Variants in CLVS1 observed in about 807,000 individuals in gnomAD.
The protein encoded by CLVS1 is clavesin 1, also known as clavesin-1.
CLVS1 carries 10 observed loss-of-function variants against 33.1 expected under a neutral mutation model. The observed-to-expected ratio is 0.30, with a 90% CI of 0.19 to 0.51. CLVS1 has a LOEUF of 0.51. Ranked by LOEUF, CLVS1 falls within the 20% of genes least tolerant of loss-of-function variation. The probability of loss-of-function intolerance (pLI) is 0.97; values close to 1 mark genes in which losing one functional copy is unlikely to be tolerated. For missense variants in CLVS1, 343 were observed against 433.4 expected, an observed-to-expected ratio of 0.79 and a Z score of 1.85; for synonymous variants, 163 against 166.1, an observed-to-expected ratio of 0.98 and a Z score of 0.14.
chr8:61,277,442 G>A (rs1008718927), intron 2 of CLVS1, among the ~76,000 whole-genome samples: 4 of 152,232 alleles, frequency 2.6e-5, no homozygotes, highest in East Asian at 1.9e-4. Flanking sequence ...TATGACGTCC[G>A]CACACAGATC....
intron 5 of CLVS1, among the ~76,000 whole-genome samples, chr8:61,484,675 G>C (rs1478482244): frequency 6.6e-6 from 1 of 152,102 alleles, no homozygotes; most frequent in Non-Finnish European, 1.5e-5. Context: ...GAGGCATCAC[G>C]CTACCTGACT....
rs899904919 is a variant in CLVS1, at chr8:61,343,814, C to A, written c.456-32791C>A. 2.6e-5 allele frequency among the ~76,000 whole-genome samples: 4 copies of A among 152,080 alleles called. No homozygotes were observed. In the East Asian group the frequency reaches 5.8e-4, roughly 22 times the overall value. On this transcript the variant is annotated intron_variant, in intron 2 of 5. Transcript: ENST00000325897. ...TGATATGTTTGAGGAAATATCAATA[C>A]CCCGATAACATCCTAAAAAGAAAAT...
At chr8:61,056,926 G>C (rs1040473735), upstream of CLVS1, among the ~76,000 whole-genome samples, 1 of 152,124 alleles carries the variant, frequency 6.6e-6, no homozygotes, top group Non-Finnish European at 1.5e-5. Context: ...AAGGTAAAGC[G>C]CCAGGGCCTT....
chr8:60,977,922 C>A, the CLVS1 span, among the ~76,000 whole-genome samples: 1 of 152,118 alleles, frequency 6.6e-6, no homozygotes, highest in South Asian at 2.1e-4. Context: ...AAGAGAAAAG[C>A]AACTTGTTCT....
chr8:61,237,447 A>G (rs535468729), intron 2 of CLVS1, among the ~76,000 whole-genome samples: 4 of 152,296 alleles, frequency 2.6e-5, no homozygotes, highest in African/African-American at 9.6e-5. Flanking sequence ...GACTGGAAAA[A>G]GAGGAAAAAT....
chr8:61,014,552 C>A, the CLVS1 span, among the ~76,000 whole-genome samples: 8 of 152,206 alleles, frequency 5.3e-5, no homozygotes, highest in African/African-American at 1.9e-4. Context: ...CAACAACATG[C>A]ACTTTGAAAT....
chr8:61,235,414 G>A (rs10504324), intron 2 of CLVS1, among the ~76,000 whole-genome samples: 12,899 of 152,206 alleles, frequency 0.085, 1,048 homozygotes, highest in African/African-American at 0.22. Flanking sequence ...CTAGTACTGT[G>A]CTATTATCAA....
chr8:61,102,961 T>C (rs2129286770), intron 1 of CLVS1, among the ~76,000 whole-genome samples: 1 of 152,344 alleles, frequency 6.6e-6, no homozygotes, highest in Middle Eastern at 3.4e-3. Context: ...TTAGTTTTTA[T>C]GGGTGATCTT....
intron 1 of CLVS1, among the ~76,000 whole-genome samples, chr8:61,062,562 T>C (rs753958888): frequency 2.0e-5 from 3 of 152,214 alleles, no homozygotes; most frequent in Admixed American, 6.5e-5. Context: ...CCTGTTTTCA[T>C]TGAGGGCTTG....
intron 2 of CLVS1, among the ~76,000 whole-genome samples, chr8:61,362,118 G>A (rs569004410): frequency 1.3e-5 from 2 of 152,324 alleles, no homozygotes; most frequent in African/African-American, 4.8e-5. Flanking sequence ...GAGAACACGG[G>A]CCAAGCATGA....
intron 2 of CLVS1, among the ~76,000 whole-genome samples, chr8:61,198,547 T>A (rs1298027355): frequency 6.6e-6 from 1 of 152,156 alleles, no homozygotes; most frequent in Non-Finnish European, 1.5e-5. Context: ...GCCTGTCTAA[T>A]TTTTGTATTT....
intron 2 of CLVS1, among the ~76,000 whole-genome samples, chr8:61,146,483 G>T (rs969213969): frequency 1.3e-5 from 2 of 152,126 alleles, no homozygotes; most frequent in Non-Finnish European, 2.9e-5. Flanking sequence ...CTGTGCCCAG[G>T]CCCATGGAAG....
At chr8:61,476,347 G>A (rs1817931111) in intron 5 of CLVS1, among the ~76,000 whole-genome samples, 1 of 152,202 alleles carries the variant, frequency 6.6e-6, no homozygotes, top group Non-Finnish European at 1.5e-5. Flanking sequence ...GTCATTGGTA[G>A]CTTGATGGGG....
chr8:61,295,254 T>C (rs1810153364), intron 1 of CLVS1, among the ~76,000 whole-genome samples: 1 of 152,222 alleles, frequency 6.6e-6, no homozygotes, highest in Non-Finnish European at 1.5e-5. Context: ...ACTGGCCTGT[T>C]TGATCATCAA....
rs1254254412 is a variant in CLVS1 at position 61,499,946 on chromosome 8, C to CAG, written c.*407_*408dup. 1 of 174,760 alleles carries CAG rather than the reference C, an allele frequency of 5.7e-6. No individual in the cohort carries two copies. The highest frequency in any genetic ancestry group is 1.2e-5 in the Non-Finnish European group (1 of 80,052). The allele number at this position is 174,760 out of a possible 1,614,324, so 10.8% of individuals were successfully genotyped here. A position where few individuals can be genotyped will look rare whatever the true frequency, so the allele number is the denominator to read the frequency against. On this transcript the variant is annotated 3_prime_UTR_variant, in exon 6 of 6. Coordinates refer to ENST00000325897, the MANE Select transcript of CLVS1 (RefSeq NM_173519.3). The stretch of plus-strand genomic sequence containing the variant: ...TAAGTGCATTTCCAAGTAAATGTAT[C>CAG]AGAGTTAAACTGTACAGACACCACT...
intron 2 of CLVS1, among the ~76,000 whole-genome samples, chr8:61,282,246 G>A (rs1395695902): frequency 1.3e-5 from 2 of 152,258 alleles, no homozygotes; most frequent in African/African-American, 4.8e-5. Context: ...AATGGGGAAA[G>A]TTGCAGAGCG....
intron 3 of CLVS1, among the ~76,000 whole-genome samples, chr8:61,453,178 G>A (rs6471951): frequency 0.83 from 125,975 of 151,774 alleles, 52,469 homozygotes; most frequent in Middle Eastern, 0.86. Context: ...TTCATACAGC[G>A]TTTAGAGATT....
At chr8:61,072,542 A>T (rs1178434371) in intron 1 of CLVS1, among the ~76,000 whole-genome samples, 1 of 152,246 alleles carries the variant, frequency 6.6e-6, no homozygotes, top group South Asian at 2.1e-4. Context: ...TACTTAAAAG[A>T]AAAGCAACGA....
intron 2 of CLVS1, among the ~76,000 whole-genome samples, chr8:61,326,834 CTT>C (rs1296546898): frequency 6.6e-6 from 1 of 152,112 alleles, no homozygotes; most frequent in African/African-American, 2.4e-5. Context: ...ATGAAATAGA[CTT>C]AACATTCAGA....
Sources: gnomAD v4.1 joint callset for allele counts (sites outside exome capture counted in the v4.1 genomes callset) on GRCh38, gnomAD v4.1.1 for gene constraint, MANE v1.5 for transcripts, NCBI Gene and HGNC (gene_info 2026-07-23, HGNC 2026-07-21) for gene names.